TRA2A: variants seen among roughly 807,000 people sequenced by gnomAD.
The protein encoded by TRA2A is transformer-2 protein homolog alpha.
TRA2A carries 31 observed loss-of-function variants against 45.7 expected under a neutral mutation model. The observed-to-expected ratio is 0.68, with a 90% confidence interval of 0.51 to 0.92. The LOEUF (loss-of-function observed/expected upper bound fraction) is 0.92, where lower values mean the gene tolerates loss of function less well. TRA2A is among the 40% of genes least tolerant of loss of function. TRA2A has a pLI of 0.00. For missense variants in TRA2A, 304 were observed against 367.5 expected (o/e 0.83, Z 1.41); for synonymous variants, 132 against 126.2 (o/e 1.05, Z -0.31).
chr7:23,520,096 A>G (rs1000495848), intron 2 of TRA2A, among the ~76,000 whole-genome samples: 1 of 152,072 alleles, frequency 6.6e-6, no homozygotes, highest in African/African-American at 2.4e-5. Context: ...GGTGCCTGTG[A>G]TCCCAGCTAC....
At position 23,505,771 on chromosome 7, in the gene TRA2A, TC is replaced by T; in HGVS notation, c.812del (p.Arg271HisfsTer84). On this transcript the variant is annotated frameshift_variant, in exon 7 of 8. Transcript: ENST00000297071. LOFTEE classifies it high-confidence loss of function. ...PSPYYSRYRS[R>X]SRSRSYSPRR... is the part of the protein sequence containing the mutation. ...TTGGGCTGTAGGAACGAGATCTTGATCGTGATCTATATCGACTATAATAAGG... is the reference window on the plus strand; with the variant it reads ...TTGGGCTGTAGGAACGAGATCTTGATGTGATCTATATCGACTATAATAAGG... 1.3e-6 allele frequency: 2 copies of T among 1,563,126 alleles called. No homozygotes were observed. Among genetic ancestry groups the T allele is most frequent in the Non-Finnish European group, 1.7e-6 (2 of 1,161,144 alleles).
Position 23,527,924 on chromosome 7 carries a change from A to G in TRA2A, c.36+3865T>C, listed in dbSNP as rs1160329727. Among the ~76,000 whole-genome samples the G allele has an allele frequency of 2.6e-5, 4 of 152,180 alleles. No homozygotes were observed. The South Asian group carries it at 8.3e-4, about 32-fold the overall frequency. On this transcript the variant is annotated intron_variant, in intron 1 of 7. Coordinates refer to ENST00000297071, the MANE Select transcript of TRA2A (RefSeq NM_013293.5). ...AGATTTTAATTTTTTTTAAGTTTAC[A>G]AATTCTTTGCTTAAATGGAAGGGGA...
At chr7:23,525,234 A>G (rs1171877121) in intron 1 of TRA2A, among the ~76,000 whole-genome samples, 1 of 152,238 alleles carries the variant, frequency 6.6e-6, no homozygotes, top group African/African-American at 2.4e-5. Flanking sequence ...ACTCGTCTTC[A>G]TTATGAAATA....
chr7:23,528,495 C>A (rs895324835), intron 1 of TRA2A, among the ~76,000 whole-genome samples: 3 of 152,072 alleles, frequency 2.0e-5, no homozygotes, highest in African/African-American at 7.2e-5. Flanking sequence ...CGTGAGCCAC[C>A]GGGCCGGCCT....
chr7:23,514,067 ATTTT>A (rs879501457), intron 3 of TRA2A, among the ~76,000 whole-genome samples: 1 of 140,188 alleles, frequency 7.1e-6, no homozygotes, highest in Admixed American at 7.2e-5. Flanking sequence ...CGGCTAGTAG[ATTTT>A]TTTTTTTTTT....
chr7:23,516,731 C>T (rs1234853110), intron 2 of TRA2A, among the ~76,000 whole-genome samples: 1 of 152,004 alleles, frequency 6.6e-6, no homozygotes, highest in East Asian at 1.9e-4. Context: ...TCACCCTTTT[C>T]ACCTAACCTT....
intron 2 of TRA2A, among the ~76,000 whole-genome samples, chr7:23,517,503 A>AAAAAAAAAAGAGAG (rs764849438): frequency 1.7e-5 from 2 of 116,256 alleles, no homozygotes; most frequent in East Asian, 3.3e-4. Context: ...AAAAAAAAAA[A>AAAAAAAAAAGAGAG]AGAGAGAAAG....
intron 1 of TRA2A, among the ~76,000 whole-genome samples, chr7:23,529,236 C>G (rs1490387689): frequency 6.6e-6 from 1 of 152,188 alleles, no homozygotes; most frequent in Admixed American, 6.5e-5. Flanking sequence ...TCACTCCCAG[C>G]TCCAAAGGAC....
In TRA2A at chr7:23,505,505, A is replaced by AAAAAAG. The variant is rs1487442248; in HGVS notation, c.*53_*54insCTTTTT. On this transcript the variant is annotated 3_prime_UTR_variant, in exon 8 of 8. Transcript: ENST00000297071. ...GCTTGGGGAAATCTCAGAATTAAAA[A>AAAAAAG]AAAAAAAAAAAAAAAGAGGAAAAAA... 3.2e-5 allele frequency: 17 copies of AAAAAAG among 530,246 alleles called. No individual in the cohort carries two copies. The highest frequency in any genetic ancestry group is 5.1e-5 in the Non-Finnish European group (15 of 294,038). The allele number at this position is 530,246 out of a possible 1,614,324, so 32.8% of individuals were successfully genotyped here.
At chr7:23,513,117 TAAAATC>T (rs1789701180) in intron 3 of TRA2A, 35 bp from the exon 4 acceptor site, 2 of 1,484,270 alleles carry the variant, frequency 1.3e-6, no homozygotes, top group Non-Finnish European at 9.2e-7. Flanking sequence ...AACTCCAAAT[TAAAATC>T]AAAATCAAAG....
At chr7:23,523,998 A>T (rs2390789) in intron 1 of TRA2A, among the ~76,000 whole-genome samples, 64,854 of 152,084 alleles carry the variant, frequency 0.43, 15,178 homozygotes, top group African/African-American at 0.63. Flanking sequence ...GTCCTTCTCA[A>T]ACATACACAG....
intron 1 of TRA2A, among the ~76,000 whole-genome samples, chr7:23,529,234 A>T (rs1790464941): frequency 6.6e-6 from 1 of 152,164 alleles, no homozygotes; most frequent in Admixed American, 6.5e-5. Context: ...CTTCACTCCC[A>T]GCTCCAAAGG....
chr7:23,511,112 C>A (rs530496109), intron 4 of TRA2A, among the ~76,000 whole-genome samples: 1 of 152,046 alleles, frequency 6.6e-6, no homozygotes, highest in African/African-American at 2.4e-5. Context: ...TGGCTCACAC[C>A]TGTAATTCCA....
At chr7:23,515,793 C>T (rs1024961600) in intron 3 of TRA2A, among the ~76,000 whole-genome samples, 4 of 142,990 alleles carry the variant, frequency 2.8e-5, no homozygotes, top group East Asian at 4.5e-4. Flanking sequence ...TGACCCACAC[C>T]CTTTGGCCTC....
intron 3 of TRA2A, among the ~76,000 whole-genome samples, 168 bp downstream of exon 3, chr7:23,516,195 C>T (rs10259241): frequency 0.11 from 16,857 of 152,154 alleles, 1,004 homozygotes; most frequent in Middle Eastern, 0.15. Context: ...GGTAAGCTTA[C>T]GAAAGATGGT....
chr7:23,507,390 T>G, intron 5 of TRA2A, 30 bp downstream of exon 5: 2 of 1,554,064 alleles, frequency 1.3e-6, no homozygotes, highest in South Asian at 2.3e-5. Context: ...GTGGATTTCA[T>G]AGTTTAGCTT....
chr7:23,521,634 A>T, intron 2 of TRA2A, 73 bp downstream of exon 2: 2 of 1,544,062 alleles, frequency 1.3e-6, no homozygotes, highest in South Asian at 2.3e-5. Flanking sequence ...TTCTACACAA[A>T]ATGCAGCCAA....
Position 23,505,413 on chromosome 7 carries a change from C to T in TRA2A, c.*146G>A, listed in dbSNP as rs1262639675. 4.2e-6 allele frequency: 2 copies of T among 477,606 alleles called. No homozygotes were observed. Among genetic ancestry groups the T allele is most frequent in the African/African-American group, 4.4e-5 (2 of 45,380 alleles). 29.6% of individuals were successfully genotyped at this position (477,606 alleles called of 1,614,324 possible). A position where few individuals can be genotyped will look rare whatever the true frequency, so the allele number is the denominator to read the frequency against. On this transcript the variant is annotated 3_prime_UTR_variant, in exon 8 of 8. Transcript: ENST00000297071. ...ATAAAATGGGTGGAAAACAGCAACA[C>T]AACTGACAAAAGTGTAGATGCTAAA...
At chr7:23,526,569 T>C (rs76464350) in intron 1 of TRA2A, among the ~76,000 whole-genome samples, 2,726 of 152,276 alleles carry the variant, frequency 0.018, 76 homozygotes, top group African/African-American at 0.063. Flanking sequence ...AAAAAACCTG[T>C]ATTTACTCAA....
Sources: allele counts gnomAD v4.1 joint callset (sites outside exome capture counted in the v4.1 genomes callset), GRCh38; gene constraint gnomAD v4.1.1; transcripts MANE v1.5; gene names NCBI Gene and HGNC (gene_info 2026-07-23, HGNC 2026-07-21).